Variants in NBAS observed in about 807,000 individuals in gnomAD.
The protein encoded by NBAS is NAG/BC035112 fusion.
Under a neutral mutation model 302.5 loss-of-function variants are expected in NBAS, and 219 were observed. The ratio of observed to expected loss-of-function variants is 0.72; its 90% CI spans 0.65 to 0.81. The LOEUF is 0.81. NBAS is among the 30% of genes least tolerant of loss of function. The pLI is 0.00. For synonymous variants in NBAS, 1,118 were observed against 1,021.6 expected (o/e 1.09, Z -1.80); for missense variants, 2,932 against 2,841.6 (o/e 1.03, Z -0.72).
At chr2:15,498,176 C>G (rs1310100804) in intron 11 of NBAS, among the ~76,000 whole-genome samples, 1 of 152,100 alleles carries the variant, frequency 6.6e-6, no homozygotes, top group Non-Finnish European at 1.5e-5. Context: ...TTCAACTTTC[C>G]TCTCTGGAGG....
At chr2:14,966,990 T>C in the NBAS span, among the ~76,000 whole-genome samples, 8 of 152,208 alleles carry the variant, frequency 5.3e-5, no homozygotes, top group Admixed American at 5.2e-4. Flanking sequence ...TATATTTATA[T>C]ACACTAATAA....
chr2:14,877,968 C>A, the NBAS span, among the ~76,000 whole-genome samples: 42 of 152,260 alleles, frequency 2.8e-4, no homozygotes, highest in Non-Finnish European at 5.0e-4. Flanking sequence ...CTTGTAATTA[C>A]TAATTCCTCC....
At chr2:15,306,709 C>T (rs1671050341) in intron 40 of NBAS, among the ~76,000 whole-genome samples, 1 of 151,616 alleles carries the variant, frequency 6.6e-6, no homozygotes, top group South Asian at 2.1e-4. Context: ...TTACTTTTAA[C>T]CCTTATCTTT....
chr2:15,257,843 T>A (rs985463608), intron 44 of NBAS, among the ~76,000 whole-genome samples: 1 of 152,228 alleles, frequency 6.6e-6, no homozygotes, highest in Admixed American at 6.5e-5. Flanking sequence ...TCCACCCACT[T>A]ATTTATGTGA....
chr2:15,247,787 G>A (rs1668171182), intron 44 of NBAS, among the ~76,000 whole-genome samples: 1 of 140,616 alleles, frequency 7.1e-6, no homozygotes, highest in South Asian at 2.2e-4. Flanking sequence ...GAGAACCAAT[G>A]ACAATACGGG....
chr2:15,007,916 A>G, the NBAS span, among the ~76,000 whole-genome samples: 2 of 152,262 alleles, frequency 1.3e-5, no homozygotes, highest in Non-Finnish European at 2.9e-5. Context: ...TAAAATGCAG[A>G]TAATAATACC....
intron 5 of NBAS, among the ~76,000 whole-genome samples, chr2:15,552,282 C>A (rs1664419098): frequency 1.3e-5 from 2 of 152,156 alleles, no homozygotes; most frequent in Admixed American, 1.3e-4. Flanking sequence ...AGAGATTAAA[C>A]TTTGCTATGT....
intron 8 of NBAS, among the ~76,000 whole-genome samples, chr2:15,535,159 C>T (rs1159544286): frequency 6.6e-6 from 1 of 152,136 alleles, no homozygotes; most frequent in Non-Finnish European, 1.5e-5. Flanking sequence ...TCCTAGGCAT[C>T]CCTGGGGAAC....
At chr2:15,242,100 C>T (rs1667891490) in intron 44 of NBAS, among the ~76,000 whole-genome samples, 1 of 152,164 alleles carries the variant, frequency 6.6e-6, no homozygotes, top group Admixed American at 6.5e-5. Context: ...AGTGCATAAC[C>T]CACCTACTTT....
Position 15,301,052 on chromosome 2 carries a change from T to A in NBAS, c.4797+7164A>T, listed in dbSNP as rs911213101. On this transcript the variant is annotated intron_variant, in intron 40 of 51. Coordinates refer to ENST00000281513, the MANE Select transcript of NBAS (RefSeq NM_015909.4). The stretch of plus-strand genomic sequence containing the variant: ...TTCACTGAGGGTCTTATCTGTCATA[T>A]GCAGGATGTTACCTGGTAGACATGG... Among the ~76,000 whole-genome samples the A allele has an allele frequency of 2.0e-5, 3 of 152,174 alleles. 1 individual carries two copies. The highest frequency in any genetic ancestry group is 1.3e-4 in the Admixed American group (2 of 15,284).
the NBAS span, among the ~76,000 whole-genome samples, chr2:14,784,835 G>GT: frequency 6.6e-6 from 1 of 152,142 alleles, no homozygotes; most frequent in African/African-American, 2.4e-5. Flanking sequence ...CTTTAAAGCA[G>GT]TTTTTTCCAA....
the NBAS span, among the ~76,000 whole-genome samples, chr2:15,077,491 A>T: frequency 6.6e-6 from 1 of 152,184 alleles, no homozygotes; most frequent in Non-Finnish European, 1.5e-5. Flanking sequence ...AGAGTGACAA[A>T]TGAGACACCA....
At chr2:14,851,656 A>T in the NBAS span, among the ~76,000 whole-genome samples, 2 of 109,186 alleles carry the variant, frequency 1.8e-5, no homozygotes, top group African/African-American at 1.3e-4. Context: ...AATATCCTTG[A>T]TGAACATTGA....
downstream of NBAS, among the ~76,000 whole-genome samples, chr2:15,165,518 T>C (rs1663994857): frequency 6.6e-6 from 1 of 152,174 alleles, no homozygotes; most frequent in South Asian, 2.1e-4. Context: ...AAAACTTTCA[T>C]CAGAGGACTC....
At chr2:15,551,972 G>C (rs567741789) in intron 5 of NBAS, among the ~76,000 whole-genome samples, 1 of 152,200 alleles carries the variant, frequency 6.6e-6, no homozygotes, top group East Asian at 1.9e-4. Flanking sequence ...GTCTTATTTT[G>C]AGAAATCAAA....
chr2:14,987,778 G>C, the NBAS span, among the ~76,000 whole-genome samples: 2 of 152,060 alleles, frequency 1.3e-5, no homozygotes, highest in African/African-American at 4.8e-5. Flanking sequence ...CTTATGCCTA[G>C]AGAAAAAATT....
At chr2:14,811,621 G>A in the NBAS span, among the ~76,000 whole-genome samples, 61,246 of 151,694 alleles carry the variant, frequency 0.4, 12,961 homozygotes, top group African/African-American at 0.53. Context: ...TATCTAGTCT[G>A]AATGTCAATA....
At chr2:15,349,088 A>C (rs547778082) in intron 35 of NBAS, among the ~76,000 whole-genome samples, 2 of 152,338 alleles carry the variant, frequency 1.3e-5, no homozygotes, top group South Asian at 4.1e-4. Context: ...AAGTGCCTGC[A>C]CAGAAAATGG....
chr2:15,128,152 A>C, the NBAS span, among the ~76,000 whole-genome samples: 12 of 152,172 alleles, frequency 7.9e-5, no homozygotes, highest in Non-Finnish European at 1.8e-4. Context: ...CCTCAATTTC[A>C]AAATAAAAAA....
Sources: allele counts gnomAD v4.1 joint callset (sites outside exome capture counted in the v4.1 genomes callset), GRCh38; gene constraint gnomAD v4.1.1; transcripts MANE v1.5; gene names NCBI Gene and HGNC (gene_info 2026-07-23, HGNC 2026-07-21).